The following AHSA1 variants were observed in gnomAD, a reference collection of about 807,000 sequenced individuals.
AHSA1 encodes the protein activator of 90 kDa heat shock protein ATPase homolog 1.
A neutral mutation model predicts 46.1 loss-of-function variants in AHSA1; 14 were observed. The observed-to-expected ratio is 0.30, with a 90% confidence interval of 0.20 to 0.47. The LOEUF is 0.47. Among genes scored for constraint, AHSA1 ranks in the 20% least tolerant of loss-of-function variants. The pLI is 0.99. For missense variants in AHSA1, 333 were observed against 415.9 expected (o/e 0.80, Z 1.73); for synonymous variants, 147 against 145.8 (o/e 1.01, Z -0.06).
chr14:77,466,701 A>G (rs1330909657), intron 6 of AHSA1, among the ~76,000 whole-genome samples: 1 of 152,260 alleles, frequency 6.6e-6, no homozygotes, highest in East Asian at 1.9e-4. Flanking sequence ...ATTTAAAAAG[A>G]TGTGTATAAA....
chr14:77,465,158 G>T (rs7141931), intron 5 of AHSA1, among the ~76,000 whole-genome samples: 4,253 of 152,272 alleles, frequency 0.028, 199 homozygotes, highest in African/African-American at 0.098. Context: ...TTGGTTTAGA[G>T]CCCTGTTGCT....
At position 77,462,144 on chromosome 14, in the gene AHSA1, G is replaced by A. The variant is rs759260554; in HGVS notation, c.272-16G>A. On this transcript the variant is annotated splice_polypyrimidine_tract_variant and intron_variant, in intron 2 of 8. Coordinates refer to ENST00000216479, the MANE Select transcript of AHSA1 (RefSeq NM_012111.3). Reference sequence around the variant, plus strand: ...TGCCAAGGAGTGGACTAATGACATTGCATTGGTTTTGACAGGTACTTCTAA... The same window carrying A: ...TGCCAAGGAGTGGACTAATGACATTACATTGGTTTTGACAGGTACTTCTAA... 1.5e-5 allele frequency: 24 copies of A among 1,584,940 alleles called. No individual in the cohort carries two copies. The Admixed American group carries it at 2.8e-4, about 19-fold the overall frequency.
rs955589130 is a variant in AHSA1, at chr14:77,466,763, T to G, written c.690+1096T>G. Among the ~76,000 whole-genome samples the G allele has an allele frequency of 2.0e-5, 3 of 152,218 alleles. 1 individual carries two copies. The highest frequency in any genetic ancestry group is 2.0e-4 in the Admixed American group (3 of 15,270). Reference sequence around the variant, plus strand: ...TATCTTAGTTGACTCCAGAGATGTGTTATGACCTGGCTATGCCAAAGACTG... The same window carrying G: ...TATCTTAGTTGACTCCAGAGATGTGGTATGACCTGGCTATGCCAAAGACTG... On this transcript the variant is annotated intron_variant, in intron 6 of 8. Coordinates refer to ENST00000216479, the MANE Select transcript of AHSA1 (RefSeq NM_012111.3).
intron 3 of AHSA1, 43 bp downstream of exon 3, chr14:77,462,285 T>G (rs748107496): frequency 6.4e-6 from 10 of 1,552,292 alleles, no homozygotes; most frequent in African/African-American, 1.4e-5. Context: ...CTATATCCTC[T>G]TATTCTCAGA....
At chr14:77,463,914 G>C (rs2079036982) in intron 4 of AHSA1, among the ~76,000 whole-genome samples, 1 of 152,252 alleles carries the variant, frequency 6.6e-6, no homozygotes, top group African/African-American at 2.4e-5. Context: ...TTCTGCAGAG[G>C]TAAGGCAGAG....
At chr14:77,462,460 C>A in intron 3 of AHSA1, 182 bp from the exon 4 acceptor site, 1 of 736,066 alleles carries the variant, frequency 1.4e-6, no homozygotes, top group Non-Finnish European at 2.3e-6. Context: ...TGGGTTCTAA[C>A]TAACATTAGC....
At chr14:77,464,001 C>T (rs1034793646) in intron 4 of AHSA1, among the ~76,000 whole-genome samples, 2 of 152,256 alleles carry the variant, frequency 1.3e-5, no homozygotes, top group African/African-American at 2.4e-5. Flanking sequence ...AGTGCCACGG[C>T]GTTCACGCCA....
intron 2 of AHSA1, among the ~76,000 whole-genome samples, chr14:77,460,967 G>A (rs1350185939): frequency 6.6e-6 from 1 of 151,572 alleles, no homozygotes; most frequent in Non-Finnish European, 1.5e-5. Context: ...AGACCATCCT[G>A]GCTGACACAG....
intron 2 of AHSA1, 170 bp downstream of exon 2, chr14:77,459,976 T>G: frequency 1.4e-6 from 1 of 716,694 alleles, no homozygotes; most frequent in Non-Finnish European, 2.3e-6. Context: ...TTTGCCATTG[T>G]GGGATGCTAA....
chr14:77,460,034 CGGGCCACTGCATCTTT>C (rs2079014869), intron 2 of AHSA1: 2 of 549,318 alleles, frequency 3.6e-6, no homozygotes, highest in Non-Finnish European at 6.5e-6. Context: ...ATGAAGTGGC[CGGGCCACTGCATCTTT>C]GGGCCTTGGT....
rs758852569 is a variant in AHSA1 at position 77,469,233 on chromosome 14, G to A, written c.1001G>A (p.Gly334Asp). 5 of 1,613,974 alleles carry A rather than the reference G, an allele frequency of 3.1e-6. No individual in the cohort carries two copies. The South Asian group carries it at 4.4e-5, about 14-fold the overall frequency. Reference protein sequence around the residue: ...FEGIKQTFGYGARLF With the variant: ...FEGIKQTFGYDARLF ...GGCATTAAACAGACCTTTGGCTATG[G>A]CGCACGCTTATTTTAGGGCCAGCGG... is the stretch of plus-strand genomic sequence containing the variant. Residue 334 changes from glycine to aspartate, a missense_variant, in exon 9 of 9, where the codon GGC becomes GAC. Transcript: ENST00000216479.
chr14:77,462,300 A>C lies in AHSA1; in HGVS notation c.354+58A>C. 3 of 1,495,072 alleles carry C rather than the reference A, an allele frequency of 2.0e-6. No homozygotes were observed. The South Asian group carries it at 3.4e-5, about 17-fold the overall frequency. 92.6% of individuals were successfully genotyped at this position (1,495,072 alleles called of 1,614,324 possible). A position where few individuals can be genotyped will look rare whatever the true frequency, so the allele number is the denominator to read the frequency against. On this transcript the variant is annotated intron_variant, in intron 3 of 8. Transcript: ENST00000216479. ...CTATATCCTCTTATTCTCAGATGAG[A>C]AAAGTGACCTGTCATTCAGGATTCA...
rs1246309825 is a variant in AHSA1 at position 77,458,112 on chromosome 14, C to T, written c.-78C>T. 10 of 1,317,828 alleles carry T rather than the reference C, an allele frequency of 7.6e-6. No homozygotes were observed. Among genetic ancestry groups the T allele is most frequent in the East Asian group, 3.1e-5 (1 of 32,598 alleles). The allele number at this position is 1,317,828 out of a possible 1,614,324, so 81.6% of individuals were successfully genotyped here. On this transcript the variant is annotated 5_prime_UTR_variant, in exon 1 of 9. Transcript: ENST00000216479. ...GCTTCTAGTAGTTTCCAGGCGCTGC[C>T]GGGCGGCTGGCACTAAGCGGTCCTG...
chr14:77,465,974 A>G (rs1190252552), intron 6 of AHSA1, among the ~76,000 whole-genome samples: 1 of 152,096 alleles, frequency 6.6e-6, no homozygotes, highest in East Asian at 1.9e-4. Flanking sequence ...CTATAGGCAC[A>G]CGCCATCACG....
intron 6 of AHSA1, among the ~76,000 whole-genome samples, chr14:77,467,476 G>A (rs1313014323): frequency 6.6e-6 from 1 of 151,594 alleles, no homozygotes; most frequent in Non-Finnish European, 1.5e-5. Context: ...GGTGGATCAC[G>A]AGGTCAGGAG....
chr14:77,468,755 C>CTTTTTTTTTTTTTTTTTTTTTTTTTTT (rs770728219), intron 8 of AHSA1: 8 of 313,402 alleles, frequency 2.6e-5, no homozygotes, highest in African/African-American at 2.1e-4. Flanking sequence ...TACTTTTTTA[C>CTTTTTTTTTTTTTTTTTTTTTTTTTTT]TTTTTTTGTA....
intron 2 of AHSA1, among the ~76,000 whole-genome samples, chr14:77,461,584 T>C (rs2139938468): frequency 6.6e-6 from 1 of 152,260 alleles, no homozygotes; most frequent in South Asian, 2.1e-4. Context: ...TACTATGGAA[T>C]GGTAGAAGGA....
intron 2 of AHSA1, among the ~76,000 whole-genome samples, chr14:77,461,907 C>G (rs954612081): frequency 1.3e-4 from 20 of 152,252 alleles, no homozygotes; most frequent in Admixed American, 6.5e-5. Flanking sequence ...CATGGTATAA[C>G]TCATGCTAGT....
At chr14:77,463,936 CACTAACCATGCATCCATAGGT>C (rs2079037067) in intron 4 of AHSA1, among the ~76,000 whole-genome samples, 2 of 152,244 alleles carry the variant, frequency 1.3e-5, no homozygotes, top group Non-Finnish European at 2.9e-5. Context: ...GGAGGAAAGG[CACTAACCATGCATCCATAGGT>C]GCTGGGTAGA....
Sources: allele counts gnomAD v4.1 joint callset (sites outside exome capture counted in the v4.1 genomes callset), GRCh38; gene constraint gnomAD v4.1.1; transcripts MANE v1.5; gene names NCBI Gene and HGNC (gene_info 2026-07-23, HGNC 2026-07-21).